Variants in ATP10B observed in about 807,000 individuals in gnomAD.
ATP10B encodes phospholipid-transporting ATPase VB.
In ATP10B, 122 loss-of-function variants were observed where a neutral mutation model predicts 141.2. The observed-to-expected ratio is 0.86, with a 90% CI of 0.75 to 1.00. ATP10B has a LOEUF of 1.00. Among genes scored for constraint, ATP10B ranks in the 50% least tolerant of loss-of-function variants. ATP10B has a pLI of 0.00. For missense variants in ATP10B, 1,876 were observed against 1,825.3 expected (o/e 1.03, Z -0.51); for synonymous variants, 685 against 692.0 (o/e 0.99, Z 0.16).
chr5:160,928,301 T>C, the ATP10B span, among the ~76,000 whole-genome samples: 7 of 152,264 alleles, frequency 4.6e-5, no homozygotes, highest in East Asian at 1.2e-3. Context: ...CTTAACAGTC[T>C]CCAACCCCAC....
At chr5:160,734,660 T>G (rs1177584662) in intron 2 of ATP10B, among the ~76,000 whole-genome samples, 2 of 151,688 alleles carry the variant, frequency 1.3e-5, no homozygotes, top group Non-Finnish European at 2.9e-5. Context: ...GATCCAAAAA[T>G]TTTAGGAAAA....
At chr5:160,684,856 C>A (rs758050996) in intron 6 of ATP10B, 4 of 700,194 alleles carry the variant, frequency 5.7e-6, no homozygotes, top group Non-Finnish European at 7.8e-6. Flanking sequence ...GAGGCACTCT[C>A]GGTTATTGAT....
chr5:160,629,297 A>T (rs551483518), intron 13 of ATP10B, among the ~76,000 whole-genome samples: 1 of 152,214 alleles, frequency 6.6e-6, no homozygotes, highest in East Asian at 1.9e-4. Context: ...ATCTGACACC[A>T]GCTAGATGTA....
chr5:160,889,714 G>A, the ATP10B span, among the ~76,000 whole-genome samples: 132 of 152,250 alleles, frequency 8.7e-4, 1 homozygote, highest in Admixed American at 1.8e-3. Context: ...GAGAGACATG[G>A]GGAGGGGAAA....
chr5:160,827,101 T>G (rs1774667504), intron 1 of ATP10B, among the ~76,000 whole-genome samples: 1 of 152,140 alleles, frequency 6.6e-6, no homozygotes, highest in East Asian at 1.9e-4. Context: ...CCCCCTCCCC[T>G]TTTGAAATCC....
chr5:160,594,546 T>C (rs1439743180), intron 22 of ATP10B, among the ~76,000 whole-genome samples: 2 of 151,844 alleles, frequency 1.3e-5, no homozygotes, highest in Non-Finnish European at 2.9e-5. Flanking sequence ...CAATATTAAC[T>C]TTAAATGTAA....
chr5:160,563,992 T>G lies in ATP10B; in HGVS notation c.*1461A>C, dbSNP rs1404025850. The G allele has an allele frequency of 6.6e-6, 1 of 152,214 alleles. No homozygotes were observed. The highest frequency in any genetic ancestry group is 1.5e-5 in the Non-Finnish European group (1 of 68,048). The allele number at this position is 152,214 out of a possible 1,614,324, so 9.4% of individuals were successfully genotyped here. A position where few individuals can be genotyped will look rare whatever the true frequency, so the allele number is the denominator to read the frequency against. On this transcript the variant is annotated 3_prime_UTR_variant, in exon 26 of 26. Coordinates refer to ENST00000327245, the MANE Select transcript of ATP10B (RefSeq NM_025153.3). ...CTGCAAATGGCCCTTCCAGTCCAGG[T>G]TTGCCAGGAAGATGGTCAGAGGGCC...
the ATP10B span, among the ~76,000 whole-genome samples, chr5:160,891,733 C>T: frequency 6.6e-6 from 1 of 152,198 alleles, no homozygotes; most frequent in African/African-American, 2.4e-5. Context: ...CCACTGTGCC[C>T]AGCCAGAAAC....
chr5:160,722,813 T>C (rs6556519), intron 2 of ATP10B, among the ~76,000 whole-genome samples: 116,804 of 152,110 alleles, frequency 0.77, 45,135 homozygotes, highest in African/African-American at 0.84. Context: ...CCAAACCATC[T>C]TGGGATGGAA....
intron 1 of ATP10B, among the ~76,000 whole-genome samples, chr5:160,849,568 G>A (rs976372291): frequency 3.3e-5 from 5 of 150,896 alleles, no homozygotes; most frequent in African/African-American, 4.9e-5. Context: ...GTAGTAACTA[G>A]CAATTATTAA....
chr5:160,645,116 T>TA (rs55774256), intron 8 of ATP10B, among the ~76,000 whole-genome samples: 19,513 of 134,334 alleles, frequency 0.15, 1,794 homozygotes, highest in East Asian at 0.3. Flanking sequence ...GACTCCATCT[T>TA]AAAAAAAAAA....
chr5:160,804,075 A>C (rs1391026956), intron 1 of ATP10B, among the ~76,000 whole-genome samples: 1 of 152,166 alleles, frequency 6.6e-6, no homozygotes, highest in Non-Finnish European at 1.5e-5. Context: ...CAAAACAAAA[A>C]CAAAACTAAG....
chr5:160,627,855 C>T (rs1380452552), intron 13 of ATP10B, among the ~76,000 whole-genome samples: 1 of 152,220 alleles, frequency 6.6e-6, no homozygotes, highest in African/African-American at 2.4e-5. Flanking sequence ...TTGTCTGTTT[C>T]TGTGCACCTT....
intron 2 of ATP10B, among the ~76,000 whole-genome samples, chr5:160,774,903 A>G (rs966977759): frequency 6.6e-6 from 1 of 152,244 alleles, no homozygotes; most frequent in East Asian, 1.9e-4. Context: ...AGTCTCCCTC[A>G]CTGGAGGGAG....
intron 2 of ATP10B, among the ~76,000 whole-genome samples, chr5:160,736,764 GA>G (rs920192809): frequency 7.9e-5 from 12 of 151,500 alleles, no homozygotes; most frequent in Admixed American, 2.0e-4. Flanking sequence ...CATCTCAAAA[GA>G]AAAAAAAGTC....
chr5:160,910,365 G>A, the ATP10B span, among the ~76,000 whole-genome samples: 35 of 152,200 alleles, frequency 2.3e-4, no homozygotes, highest in African/African-American at 8.2e-4. Context: ...TCTCCTATTT[G>A]TATGTATATT....
intron 13 of ATP10B, among the ~76,000 whole-genome samples, chr5:160,625,972 C>T (rs1052864147): frequency 6.6e-6 from 1 of 152,228 alleles, no homozygotes; most frequent in Non-Finnish European, 1.5e-5. Flanking sequence ...CCTGCAGGTG[C>T]CAGGAACAGA....
chr5:160,817,967 T>C (rs936164006), intron 1 of ATP10B, among the ~76,000 whole-genome samples: 57 of 152,268 alleles, frequency 3.7e-4, no homozygotes, highest in African/African-American at 1.3e-3. Context: ...TGAAACTGGA[T>C]CCCTTCCTTA....
the ATP10B span, among the ~76,000 whole-genome samples, chr5:160,877,290 A>T: frequency 5.4e-5 from 8 of 146,968 alleles, no homozygotes; most frequent in Admixed American, 4.8e-4. Context: ...AAACCACATG[A>T]TTATCTCAAT....
Sources: gnomAD v4.1 joint callset for allele counts (sites outside exome capture counted in the v4.1 genomes callset) on GRCh38, gnomAD v4.1.1 for gene constraint, MANE v1.5 for transcripts, NCBI Gene and HGNC (gene_info 2026-07-23, HGNC 2026-07-21) for gene names.